SUGCT: variants seen among roughly 807,000 people sequenced by gnomAD.
SUGCT encodes the protein succinyl-CoA:glutarate-CoA transferase, also known as succinyl-CoA:glutarate CoA-transferase.
Under a neutral mutation model 55.0 loss-of-function variants are expected in SUGCT, and 41 were observed. That is an observed-to-expected ratio of 0.74 (90% CI 0.58 to 0.97). SUGCT has a LOEUF of 0.97. SUGCT is among the 50% of genes least tolerant of loss of function. The pLI, the probability that SUGCT is intolerant of heterozygous loss-of-function variation, is 0.00. For synonymous variants in SUGCT, 187 were observed against 200.4 expected (o/e 0.93, Z 0.56); for missense variants, 568 against 547.8 (o/e 1.04, Z -0.37).
the SUGCT span, among the ~76,000 whole-genome samples, chr7:40,974,789 T>C: frequency 6.6e-6 from 1 of 152,206 alleles, no homozygotes; most frequent in African/African-American, 2.4e-5. Flanking sequence ...GCACAAATGC[T>C]AAGTGAATTA....
chr7:40,153,925 C>G, intron 1 of SUGCT: 1 of 374,258 alleles, frequency 2.7e-6, no homozygotes, highest in Middle Eastern at 4.8e-4. Context: ...TCCACCTTGC[C>G]TATGGGAGAT....
intron 9 of SUGCT, among the ~76,000 whole-genome samples, chr7:40,435,360 T>A (rs1788115518): frequency 6.6e-6 from 1 of 152,174 alleles, no homozygotes; most frequent in African/African-American, 2.4e-5. Flanking sequence ...GGGAATCTAT[T>A]GTTAGCATGC....
chr7:40,762,652 A>G (rs1398169902), intron 13 of SUGCT, among the ~76,000 whole-genome samples: 2 of 152,186 alleles, frequency 1.3e-5, no homozygotes, highest in Non-Finnish European at 2.9e-5. Flanking sequence ...TTTCTTTAAA[A>G]AGGATGCATA....
the SUGCT span, among the ~76,000 whole-genome samples, chr7:41,036,427 G>A: frequency 6.6e-6 from 1 of 152,148 alleles, no homozygotes; most frequent in South Asian, 2.1e-4. Flanking sequence ...CAACTGGTTG[G>A]TGAGTTTAAT....
chr7:40,143,219 A>G (rs1225016939), intron 1 of SUGCT, among the ~76,000 whole-genome samples: 1 of 152,174 alleles, frequency 6.6e-6, no homozygotes. Context: ...TAATCCCACC[A>G]TACATCCGCT....
At chr7:41,015,332 A>G in the SUGCT span, among the ~76,000 whole-genome samples, 3 of 152,220 alleles carry the variant, frequency 2.0e-5, no homozygotes, top group East Asian at 5.8e-4. Context: ...TGTTAACTTT[A>G]AGCAATTAAT....
intron 13 of SUGCT, among the ~76,000 whole-genome samples, chr7:40,823,940 A>C (rs2128769587): frequency 6.6e-6 from 1 of 152,252 alleles, no homozygotes; most frequent in Non-Finnish European, 1.5e-5. Context: ...TTTAATGATT[A>C]CCTAGTAGGT....
chr7:40,573,098 T>C (rs1340203873), intron 12 of SUGCT, among the ~76,000 whole-genome samples: 2 of 152,188 alleles, frequency 1.3e-5, no homozygotes, highest in Non-Finnish European at 2.9e-5. Flanking sequence ...TACTCAGCCT[T>C]TCTTAATACC....
At chr7:40,530,452 A>G (rs186825233) in intron 12 of SUGCT, among the ~76,000 whole-genome samples, 3 of 152,350 alleles carry the variant, frequency 2.0e-5, no homozygotes, top group East Asian at 1.9e-4. Context: ...CAGTGACCAC[A>G]CTGAAACTTG....
Position 40,665,650 on chromosome 7 carries a change from T to C in SUGCT, c.1090-83784T>C, listed in dbSNP as rs185218892. Among the ~76,000 whole-genome samples, 112 of 151,844 alleles carry C rather than the reference T, an allele frequency of 7.4e-4. 1 individual carries two copies. The highest frequency in any genetic ancestry group is 2.7e-3 in the African/African-American group (111 of 41,408). On this transcript the variant is annotated intron_variant, in intron 12 of 13. Coordinates refer to ENST00000335693, the MANE Select transcript of SUGCT (RefSeq NM_001193313.2). ...CTAGTTTGAGCATTCCAGAAGCCAT[T>C]GTAGGGAAAGAATTACTCTCTATAG... is the stretch of plus-strand genomic sequence containing the variant.
chr7:40,830,670 T>G (rs943457512), intron 13 of SUGCT, among the ~76,000 whole-genome samples: 4 of 152,170 alleles, frequency 2.6e-5, no homozygotes. Context: ...GCCAGGCCTA[T>G]AGTAGGCACT....
chr7:40,611,538 A>C (rs761114942), intron 12 of SUGCT, among the ~76,000 whole-genome samples: 10 of 152,184 alleles, frequency 6.6e-5, no homozygotes, highest in Non-Finnish European at 1.5e-4. Flanking sequence ...TGTGATCTCT[A>C]CACCATGTGC....
At chr7:40,647,313 G>A (rs184051939) in intron 12 of SUGCT, among the ~76,000 whole-genome samples, 278 of 152,276 alleles carry the variant, frequency 1.8e-3, no homozygotes, top group African/African-American at 5.9e-3. Context: ...TGCCTTGTTT[G>A]TCATTGAAGT....
intron 9 of SUGCT, among the ~76,000 whole-genome samples, chr7:40,338,624 C>G (rs1477572827): frequency 6.6e-6 from 1 of 152,156 alleles, no homozygotes; most frequent in Admixed American, 6.6e-5. Context: ...CTTCTCTACA[C>G]TGGTTATTCT....
At chr7:40,585,979 C>CATTG (rs1797356001) in intron 12 of SUGCT, among the ~76,000 whole-genome samples, 1 of 152,104 alleles carries the variant, frequency 6.6e-6, no homozygotes, top group African/African-American at 2.4e-5. Context: ...TGTGCCTGGC[C>CATTG]AACTTCTAAA....
At chr7:41,018,127 T>A in the SUGCT span, among the ~76,000 whole-genome samples, 2 of 151,958 alleles carry the variant, frequency 1.3e-5, no homozygotes, top group Non-Finnish European at 2.9e-5. Flanking sequence ...TCAAGAGGAC[T>A]TTCTGGAGGG....
chr7:40,275,749 G>T (rs1179103954), intron 8 of SUGCT, among the ~76,000 whole-genome samples: 1 of 151,978 alleles, frequency 6.6e-6, no homozygotes, highest in Non-Finnish European at 1.5e-5. Flanking sequence ...CCCAGATAAA[G>T]AATTCCTGGT....
At chr7:40,951,581 G>T in the SUGCT span, among the ~76,000 whole-genome samples, 1 of 151,896 alleles carries the variant, frequency 6.6e-6, no homozygotes, top group Admixed American at 6.6e-5. Context: ...GCTTTCTCTT[G>T]TGGGCATTTA....
At chr7:40,832,260 T>A (rs1044398607) in intron 13 of SUGCT, among the ~76,000 whole-genome samples, 5 of 152,146 alleles carry the variant, frequency 3.3e-5, no homozygotes, top group Non-Finnish European at 5.9e-5. Context: ...CTAGGCAACA[T>A]GAAACCTCTC....
Sources: allele counts gnomAD v4.1 joint callset (sites outside exome capture counted in the v4.1 genomes callset), GRCh38; gene constraint gnomAD v4.1.1; transcripts MANE v1.5; gene names NCBI Gene and HGNC (gene_info 2026-07-23, HGNC 2026-07-21).